BLTP1: variants seen among roughly 807,000 people sequenced by gnomAD.
BLTP1 encodes the protein fragile site-associated protein.
chr4:122,214,998 A>G, the BLTP1 span, among the ~76,000 whole-genome samples: 3 of 152,184 alleles, frequency 2.0e-5, no homozygotes, highest in Non-Finnish European at 4.4e-5. Flanking sequence ...AGCATTAGAC[A>G]TATAACATTA....
chr4:122,336,804 G>A, the BLTP1 span: 2 of 1,441,782 alleles, frequency 1.4e-6, no homozygotes, highest in African/African-American at 2.9e-5. Flanking sequence ...TCTCACTCTA[G>A]TATAAACAAT....
At chr4:122,340,914 A>G in the BLTP1 span, 1 of 787,330 alleles carries the variant, frequency 1.3e-6, no homozygotes, top group Non-Finnish European at 1.5e-6. Flanking sequence ...TAACACTACA[A>G]CATTTCTGTA....
chr4:122,246,533 T>A, the BLTP1 span: 2 of 1,058,482 alleles, frequency 1.9e-6, no homozygotes, highest in Non-Finnish European at 2.6e-6. Context: ...ATTATGATTA[T>A]TTTATGAGAA....
chr4:122,250,472 A>T, the BLTP1 span: 2 of 1,613,844 alleles, frequency 1.2e-6, no homozygotes, highest in South Asian at 1.1e-5. Context: ...TGATTCTCCA[A>T]CCGGCAGTGG....
the BLTP1 span, chr4:122,353,208 T>C: frequency 6.3e-7 from 1 of 1,581,458 alleles, no homozygotes; most frequent in South Asian, 1.2e-5. The surrounding 1 kb of genome is among the most constrained non-coding windows in gnomAD (Gnocchi z 4.3). Context: ...GTTATGACTA[T>C]AAATGACAAT....
At chr4:122,349,954 C>T in the BLTP1 span, 2 of 1,613,690 alleles carry the variant, frequency 1.2e-6, no homozygotes, top group Non-Finnish European at 1.7e-6. The surrounding 1 kb of genome is among the most constrained non-coding windows in gnomAD (Gnocchi z 4.5). Flanking sequence ...AATGAAGCTC[C>T]AGGAATTTTT....
the BLTP1 span, among the ~76,000 whole-genome samples, chr4:122,332,355 G>C: frequency 6.6e-6 from 1 of 151,854 alleles, no homozygotes; most frequent in Non-Finnish European, 1.5e-5. Flanking sequence ...GTTTATTTTT[G>C]ATTGAAACAT....
At chr4:122,325,927 A>C in the BLTP1 span, 1 of 903,648 alleles carries the variant, frequency 1.1e-6, no homozygotes, top group Non-Finnish European at 1.6e-6. Flanking sequence ...GGTACTTACT[A>C]AGAACAATAT....
At chr4:122,312,021 A>G in the BLTP1 span, among the ~76,000 whole-genome samples, 1 of 152,056 alleles carries the variant, frequency 6.6e-6, no homozygotes, top group Non-Finnish European at 1.5e-5. Context: ...TTATATATTC[A>G]TCTTTTAAGC....
At chr4:122,301,371 C>G in the BLTP1 span, 1 of 1,598,216 alleles carries the variant, frequency 6.3e-7, no homozygotes, top group Admixed American at 1.7e-5. Context: ...TAAAATTCTC[C>G]TCTATTCCCT....
the BLTP1 span, chr4:122,356,883 AT>A: frequency 6.9e-7 from 1 of 1,450,338 alleles, no homozygotes; most frequent in Non-Finnish European, 9.0e-7. Context: ...ATATCAGTAA[AT>A]AGCGTTAGTA....
the BLTP1 span, chr4:122,359,734 G>GTA: frequency 6.3e-7 from 1 of 1,597,290 alleles, no homozygotes; most frequent in Admixed American, 1.8e-5. Context: ...TAAGTAATGA[G>GTA]TATATACATT....
the BLTP1 span, chr4:122,237,648 C>T: frequency 1.3e-6 from 1 of 769,724 alleles, no homozygotes; most frequent in Non-Finnish European, 1.6e-6. Context: ...GGCCTGGGAT[C>T]TATACTTATG....
the BLTP1 span, chr4:122,264,222 C>A: frequency 6.5e-7 from 1 of 1,538,752 alleles, no homozygotes; most frequent in Non-Finnish European, 8.7e-7. Context: ...CAATAATTTA[C>A]ATTTTATTCT....
the BLTP1 span, chr4:122,253,997 A>G: frequency 6.4e-6 from 1 of 156,052 alleles, no homozygotes; most frequent in Non-Finnish European, 1.4e-5. Flanking sequence ...GTGGCATGAC[A>G]TATTTAAAGT....
the BLTP1 span, among the ~76,000 whole-genome samples, chr4:122,192,985 G>A: frequency 1.3e-5 from 2 of 152,090 alleles, no homozygotes; most frequent in Admixed American, 1.3e-4. Flanking sequence ...TCCTTCTGAG[G>A]GCTATGAGAG....
At chr4:122,305,130 A>G in the BLTP1 span, 1 of 1,301,672 alleles carries the variant, frequency 7.7e-7, no homozygotes, top group African/African-American at 1.5e-5. Context: ...GTGAAAACTC[A>G]TTTACCTTGG....
At chr4:122,316,775 C>A in the BLTP1 span, 1 of 1,612,836 alleles carries the variant, frequency 6.2e-7, no homozygotes, top group Non-Finnish European at 8.5e-7. Context: ...GCTAGCCAGC[C>A]GGGAGAACTT....
chr4:122,243,080 TATC>T, the BLTP1 span: 23 of 1,610,772 alleles, frequency 1.4e-5, no homozygotes, highest in Non-Finnish European at 1.9e-5. Flanking sequence ...TAAGTAAAAA[TATC>T]ATGCTTTTAA....
Sources: gnomAD v4.1 joint callset for allele counts (sites outside exome capture counted in the v4.1 genomes callset) on GRCh38, gnomAD v4.1.1 for gene constraint, Gnocchi (gnomAD v3.1) non-coding constraint, MANE v1.5 for transcripts, NCBI Gene and HGNC (gene_info 2026-07-23, HGNC 2026-07-21) for gene names.